Variants in ME3 observed in about 807,000 individuals in gnomAD.
ME3 encodes the protein NADP-dependent malic enzyme, mitochondrial.
Under a neutral mutation model 68.9 loss-of-function variants are expected in ME3, and 48 were observed. The ratio of observed to expected loss-of-function variants is 0.70; its 90% confidence interval spans 0.55 to 0.89. The LOEUF is 0.89. Among genes scored for constraint, ME3 ranks in the 40% least tolerant of loss-of-function variants. The pLI, the probability that ME3 is intolerant of heterozygous loss-of-function variation, is 0.00. For missense variants in ME3, 675 were observed against 797.4 expected, an observed-to-expected ratio of 0.85 and a Z score of 1.85; for synonymous variants, 320 against 318.8, an observed-to-expected ratio of 1.00 and a Z score of -0.04.
At chr11:86,466,785 G>C (rs1259038504) in intron 7 of ME3, among the ~76,000 whole-genome samples, 3 of 152,182 alleles carry the variant, frequency 2.0e-5, no homozygotes, top group Non-Finnish European at 4.4e-5. Flanking sequence ...CATTACAGGG[G>C]CAGAAACACA....
intron 5 of ME3, among the ~76,000 whole-genome samples, chr11:86,508,370 G>T (rs529714006): frequency 6.6e-6 from 1 of 152,268 alleles, no homozygotes; most frequent in African/African-American, 2.4e-5. Context: ...AACACCCTCA[G>T]TTCTTTTCGT....
chr11:86,635,741 T>C (rs1944295425), intron 2 of ME3, among the ~76,000 whole-genome samples: 1 of 152,238 alleles, frequency 6.6e-6, no homozygotes, highest in Admixed American at 6.5e-5. Context: ...AAATAACTTT[T>C]TTTCCTTTCT....
At chr11:86,661,106 A>G (rs576312237) in intron 2 of ME3, among the ~76,000 whole-genome samples, 1 of 152,370 alleles carries the variant, frequency 6.6e-6, no homozygotes, top group South Asian at 2.1e-4. Flanking sequence ...CATGCTGGCT[A>G]TGAGATGCCC....
chr11:86,528,809 G>C (rs1014330435), intron 4 of ME3, among the ~76,000 whole-genome samples: 1 of 152,014 alleles, frequency 6.6e-6, no homozygotes, highest in South Asian at 2.1e-4. Context: ...TGAAACCAAC[G>C]AGAACAAAGA....
intron 2 of ME3, among the ~76,000 whole-genome samples, chr11:86,611,034 C>T (rs981391077): frequency 1.3e-5 from 2 of 152,136 alleles, no homozygotes; most frequent in Non-Finnish European, 2.9e-5. Context: ...TGGGTCTCAA[C>T]CTCATATATA....
intron 4 of ME3, among the ~76,000 whole-genome samples, chr11:86,544,510 G>C (rs952644583): frequency 1.1e-4 from 17 of 152,304 alleles, no homozygotes; most frequent in African/African-American, 3.8e-4. Flanking sequence ...ACTACCATAA[G>C]AGAATACTAT....
At chr11:86,658,937 A>G (rs1222189315) in intron 2 of ME3, among the ~76,000 whole-genome samples, 1 of 152,240 alleles carries the variant, frequency 6.6e-6, no homozygotes, top group Non-Finnish European at 1.5e-5. Flanking sequence ...CAGCAACTGC[A>G]TTGCTATTCA....
At chr11:86,462,942 A>G (rs1367803982) in intron 8 of ME3, among the ~76,000 whole-genome samples, 2 of 152,202 alleles carry the variant, frequency 1.3e-5, no homozygotes, top group Non-Finnish European at 2.9e-5. Context: ...AGGGCTTTCA[A>G]ACACAGAAAG....
chr11:86,603,799 C>A (rs1463277698), intron 2 of ME3, among the ~76,000 whole-genome samples: 10 of 151,640 alleles, frequency 6.6e-5, no homozygotes, highest in African/African-American at 2.4e-4. Context: ...TTTGTAGGGG[C>A]ATGGATGAAA....
chr11:86,438,730 A>G (rs185493752), downstream of ME3, among the ~76,000 whole-genome samples: 43 of 152,200 alleles, frequency 2.8e-4, no homozygotes, highest in South Asian at 1.0e-3. Context: ...TTAAGGAGGA[A>G]GTTTAAATTA....
At chr11:86,544,751 C>T (rs1956262000) in intron 4 of ME3, among the ~76,000 whole-genome samples, 1 of 152,166 alleles carries the variant, frequency 6.6e-6, no homozygotes, top group Admixed American at 6.5e-5. Flanking sequence ...TGGTACCATT[C>T]CTTCTGAAAC....
intron 2 of ME3, among the ~76,000 whole-genome samples, chr11:86,657,562 A>G (rs1234628422): frequency 6.6e-6 from 1 of 152,180 alleles, no homozygotes; most frequent in Non-Finnish European, 1.5e-5. Context: ...TGGCACGTTT[A>G]TACCTATGTA....
intron 4 of ME3, among the ~76,000 whole-genome samples, chr11:86,543,635 G>A (rs1465983465): frequency 1.3e-5 from 2 of 152,122 alleles, no homozygotes; most frequent in Admixed American, 1.3e-4. Context: ...CCCAATACAG[G>A]AGCACCCAGA....
intron 2 of ME3, among the ~76,000 whole-genome samples, chr11:86,670,231 G>C (rs1321764219): frequency 6.6e-6 from 1 of 152,216 alleles, no homozygotes; most frequent in Non-Finnish European, 1.5e-5. Context: ...CAGAATAAAA[G>C]TATCTTTCTA....
exon 7 of ME3, chr11:86,487,372 G>A (rs1225253372): frequency 6.2e-7 from 1 of 1,614,070 alleles, no homozygotes; most frequent in Non-Finnish European, 8.5e-7. Flanking sequence ...CATCCAGCAA[G>A]TCATCGTATG....
At chr11:86,537,423 G>A (rs960024559) in intron 4 of ME3, among the ~76,000 whole-genome samples, 3 of 152,032 alleles carry the variant, frequency 2.0e-5, no homozygotes, top group Non-Finnish European at 4.4e-5. Flanking sequence ...ATGGAGAGGA[G>A]TAAAGACTTT....
chr11:86,529,487 A>G (rs1452755687), intron 4 of ME3, among the ~76,000 whole-genome samples: 1 of 152,178 alleles, frequency 6.6e-6, no homozygotes, highest in African/African-American at 2.4e-5. Flanking sequence ...AAAAGAGGGA[A>G]TCCTCCCTAA....
At chr11:86,600,611 A>T (rs1960450493) in intron 2 of ME3, among the ~76,000 whole-genome samples, 2 of 151,556 alleles carry the variant, frequency 1.3e-5, no homozygotes, top group Non-Finnish European at 1.5e-5. Context: ...CCTAATAGAC[A>T]TCTACAGAAC....
intron 2 of ME3, among the ~76,000 whole-genome samples, chr11:86,577,209 T>C (rs1378562730): frequency 1.3e-5 from 2 of 152,152 alleles, no homozygotes; most frequent in African/African-American, 4.8e-5. Flanking sequence ...ACTGAGTCCA[T>C]TTTGACCCAG....
Sources: allele counts gnomAD v4.1 joint callset (sites outside exome capture counted in the v4.1 genomes callset), GRCh38; gene constraint gnomAD v4.1.1; transcripts MANE v1.5; gene names NCBI Gene and HGNC (gene_info 2026-07-23, HGNC 2026-07-21).